Variants in SGCZ observed in about 807,000 individuals in gnomAD.
SGCZ encodes the protein sarcoglycan zeta, also known as zeta-sarcoglycan.
A neutral mutation model predicts 41.3 loss-of-function variants in SGCZ; 40 were observed. That is an observed-to-expected ratio of 0.97 (90% CI 0.75 to 1.26). SGCZ has a LOEUF of 1.26. SGCZ is among the 50% of genes most tolerant of loss of function. The pLI is 0.00. For synonymous variants in SGCZ, 206 were observed against 137.5 expected (o/e 1.50, Z -3.49); for missense variants, 552 against 369.8 (o/e 1.49, Z -4.04).
At chr8:15,042,883 T>A (rs1168634441) in intron 1 of SGCZ, among the ~76,000 whole-genome samples, 2 of 152,194 alleles carry the variant, frequency 1.3e-5, no homozygotes, top group African/African-American at 4.8e-5. Flanking sequence ...GCTTATCACA[T>A]GGGGCATATA....
At chr8:14,104,464 C>A (rs546831192) in intron 6 of SGCZ, among the ~76,000 whole-genome samples, 2 of 151,938 alleles carry the variant, frequency 1.3e-5, no homozygotes, top group South Asian at 4.2e-4. Flanking sequence ...CTCTAGAATT[C>A]TCAACATTCA....
chr8:14,267,411 T>C (rs916481693), intron 3 of SGCZ, among the ~76,000 whole-genome samples: 1 of 152,080 alleles, frequency 6.6e-6, no homozygotes, highest in East Asian at 1.9e-4. Context: ...CTGCTGTGTA[T>C]TGTAAGATGT....
intron 1 of SGCZ, among the ~76,000 whole-genome samples, chr8:15,115,164 C>T (rs1401677344): frequency 6.6e-6 from 1 of 152,082 alleles, no homozygotes; most frequent in Non-Finnish European, 1.5e-5. Context: ...ATTCAGAGAC[C>T]CAGGCACCCT....
intron 1 of SGCZ, among the ~76,000 whole-genome samples, chr8:14,860,738 GT>G (rs1181653282): frequency 5.3e-4 from 73 of 137,178 alleles, no homozygotes; most frequent in African/African-American, 1.7e-3. Context: ...AAGAAAGAAA[GT>G]AAGTAAGTAA....
At chr8:15,159,093 G>A (rs556196110) in intron 1 of SGCZ, among the ~76,000 whole-genome samples, 19 of 152,160 alleles carry the variant, frequency 1.2e-4, no homozygotes, top group Non-Finnish European at 2.2e-4. Flanking sequence ...CTTCTGAGAG[G>A]GGAGGGGGCC....
chr8:15,014,964 G>A (rs984520374), intron 1 of SGCZ, among the ~76,000 whole-genome samples: 6 of 152,314 alleles, frequency 3.9e-5, no homozygotes, highest in Admixed American at 1.3e-4. Context: ...GAAAAAAGGC[G>A]ACCAGCATGG....
chr8:14,497,473 G>A (rs1469700230), intron 2 of SGCZ, among the ~76,000 whole-genome samples: 1 of 152,120 alleles, frequency 6.6e-6, no homozygotes, highest in East Asian at 1.9e-4. Flanking sequence ...ATGCAGCCCA[G>A]GACAGCTTTG....
chr8:14,945,086 A>T (rs951320451), intron 1 of SGCZ, among the ~76,000 whole-genome samples: 2 of 145,580 alleles, frequency 1.4e-5, no homozygotes, highest in Non-Finnish European at 1.5e-5. Flanking sequence ...CAAGTACAAC[A>T]TGCACAAGGA....
intron 1 of SGCZ, among the ~76,000 whole-genome samples, chr8:15,165,915 TC>T (rs1402595316): frequency 6.6e-6 from 1 of 152,238 alleles, no homozygotes; most frequent in Non-Finnish European, 1.5e-5. Context: ...AACAAGGTTT[TC>T]CCAAGGTGTG....
At chr8:14,100,594 ATT>A (rs1801988845) in intron 7 of SGCZ, among the ~76,000 whole-genome samples, 1 of 143,790 alleles carries the variant, frequency 7.0e-6, no homozygotes, top group Non-Finnish European at 1.5e-5. Flanking sequence ...AATATATTAT[ATT>A]TTATTAATTT....
chr8:14,532,039 T>A (rs2117127552), intron 2 of SGCZ, among the ~76,000 whole-genome samples: 1 of 152,218 alleles, frequency 6.6e-6, no homozygotes, highest in South Asian at 2.1e-4. Context: ...AAATAGAAAA[T>A]CATTTTTCTT....
intron 1 of SGCZ, among the ~76,000 whole-genome samples, chr8:14,626,658 G>A (rs551793630): frequency 6.6e-6 from 1 of 151,986 alleles, no homozygotes; most frequent in Non-Finnish European, 1.5e-5. Context: ...GAAGACACAG[G>A]GAAAATATCA....
At chr8:15,193,899 T>C (rs1359166257) in intron 1 of SGCZ, among the ~76,000 whole-genome samples, 2 of 152,136 alleles carry the variant, frequency 1.3e-5, no homozygotes, top group South Asian at 2.1e-4. Flanking sequence ...ATACGAGCAA[T>C]TGCCTTCAAA....
chr8:14,945,648 G>T (rs1352967212), intron 1 of SGCZ, among the ~76,000 whole-genome samples: 1 of 151,790 alleles, frequency 6.6e-6, no homozygotes, highest in Non-Finnish European at 1.5e-5. Context: ...TTGCCAGACT[G>T]AGGGGGGAGA....
chr8:14,176,687 A>T (rs1804552756), intron 4 of SGCZ, among the ~76,000 whole-genome samples: 1 of 152,202 alleles, frequency 6.6e-6, no homozygotes, highest in Admixed American at 6.5e-5. Flanking sequence ...TGCTTGGATC[A>T]GGCTAGGTTC....
At chr8:14,463,691 G>A (rs1277198337) in intron 2 of SGCZ, among the ~76,000 whole-genome samples, 1 of 151,632 alleles carries the variant, frequency 6.6e-6, no homozygotes, top group East Asian at 1.9e-4. Flanking sequence ...GCACTATCAG[G>A]TCTTGTTCTT....
chr8:14,260,976 T>C (rs942646350), intron 3 of SGCZ, among the ~76,000 whole-genome samples: 6 of 152,074 alleles, frequency 3.9e-5, no homozygotes, highest in African/African-American at 7.2e-5. Context: ...AGGGATAGCA[T>C]TGGGAGATAT....
At chr8:14,447,018 G>A (rs1008082628) in intron 2 of SGCZ, among the ~76,000 whole-genome samples, 1 of 152,108 alleles carries the variant, frequency 6.6e-6, no homozygotes, top group Non-Finnish European at 1.5e-5. Context: ...AAATAGCAAA[G>A]ATGCATAATT....
At chr8:15,184,157 G>A (rs1350256279) in intron 1 of SGCZ, among the ~76,000 whole-genome samples, 1 of 152,028 alleles carries the variant, frequency 6.6e-6, no homozygotes, top group Non-Finnish European at 1.5e-5. Context: ...TCCTTAATAT[G>A]CTTGCTCATA....
Sources: allele counts gnomAD v4.1 joint callset (sites outside exome capture counted in the v4.1 genomes callset), GRCh38; gene constraint gnomAD v4.1.1; transcripts MANE v1.5; gene names NCBI Gene and HGNC (gene_info 2026-07-23, HGNC 2026-07-21).